ELMO1: variants seen among roughly 807,000 people sequenced by gnomAD.
The protein encoded by ELMO1 is engulfment and cell motility 1, also known as engulfment and cell motility protein 1.
In ELMO1, 26 loss-of-function variants were observed where a neutral mutation model predicts 98.9. That is an observed-to-expected ratio of 0.26 (90% CI 0.19 to 0.36). The LOEUF (loss-of-function observed/expected upper bound fraction) is 0.36, where lower values mean the gene tolerates loss of function less well. Ranked by LOEUF, ELMO1 falls within the 10% of genes least tolerant of loss-of-function variation. The pLI, the probability that ELMO1 is intolerant of heterozygous loss-of-function variation, is 1.00. For synonymous variants in ELMO1, 346 were observed against 346.0 expected, an observed-to-expected ratio of 1.00 and a Z score of 0.00; for missense variants, 627 against 935.2, an observed-to-expected ratio of 0.67 and a Z score of 4.30.
chr7:36,918,303 T>C (rs6942726), intron 16 of ELMO1, among the ~76,000 whole-genome samples: 39,385 of 152,096 alleles, frequency 0.26, 5,264 homozygotes, highest in South Asian at 0.31. Context: ...TCTGGCAATG[T>C]AGGAGGTGCT....
rs776394175 is a variant in ELMO1 at position 36,887,611 on chromosome 7, G to A, written c.1663C>T (p.Arg555Cys). ...LELIKQQRLN[R>C]LVEGTCFRKL... ...CTAAAGCAGGTCCCTTCCACAAGGC[G>A]GTTCAGGCGTTGCTGTTTGATCAGC... The change falls in exon 18 of 22, where the codon CGC (arginine) becomes TGC (cysteine). Residue 555 changes from arginine to cysteine, a missense_variant. By Grantham distance (180) the Arg-to-Cys change is radical. This residue lies in a region of ELMO1 where 492 missense variants were observed against 715.6 expected (regional missense o/e 0.69). Transcript: ENST00000310758. The A allele has an allele frequency of 6.2e-7, 1 of 1,614,044 alleles. No homozygotes were observed. The highest frequency in any genetic ancestry group is 8.5e-7 in the Non-Finnish European group (1 of 1,179,944).
intron 5 of ELMO1, chr7:37,270,983 G>C (rs1483992245): frequency 6.7e-6 from 1 of 149,742 alleles, no homozygotes; most frequent in East Asian, 1.9e-4. Flanking sequence ...CTCTCACCCA[G>C]GCTGGAGTGC....
At chr7:37,280,102 G>C (rs1393441567) in intron 4 of ELMO1, among the ~76,000 whole-genome samples, 2 of 151,998 alleles carry the variant, frequency 1.3e-5, no homozygotes, top group African/African-American at 4.8e-5. Flanking sequence ...AAAGTGGGGA[G>C]AGAACACCCT....
At chr7:37,390,147 A>C (rs917509060) in intron 1 of ELMO1, among the ~76,000 whole-genome samples, 2 of 152,238 alleles carry the variant, frequency 1.3e-5, no homozygotes, top group Non-Finnish European at 2.9e-5. Context: ...ACTTTTTAAA[A>C]ACACAAACGG....
At chr7:37,442,410 G>T (rs1243504279) in intron 1 of ELMO1, among the ~76,000 whole-genome samples, 1 of 152,174 alleles carries the variant, frequency 6.6e-6, no homozygotes, top group Non-Finnish European at 1.5e-5. Context: ...TGAGGAGCTG[G>T]AAAACACTGT....
At chr7:37,414,271 T>C (rs1804118387) in intron 1 of ELMO1, among the ~76,000 whole-genome samples, 1 of 150,618 alleles carries the variant, frequency 6.6e-6, no homozygotes, top group South Asian at 2.1e-4. Context: ...TGAAATATGC[T>C]AAACAGTACC....
chr7:37,028,971 T>C (rs1185665489), intron 15 of ELMO1, among the ~76,000 whole-genome samples: 1 of 149,414 alleles, frequency 6.7e-6, no homozygotes, highest in African/African-American at 2.5e-5. Flanking sequence ...TATCAAATTA[T>C]GTAGTTCTCC....
intron 1 of ELMO1, among the ~76,000 whole-genome samples, chr7:37,444,584 C>T (rs1583777581): frequency 2.0e-5 from 3 of 152,214 alleles, no homozygotes; most frequent in African/African-American, 2.4e-5. Context: ...GCAATCTCAG[C>T]TCACTGTAAG....
intron 1 of ELMO1, among the ~76,000 whole-genome samples, chr7:37,437,022 C>A (rs534676034): frequency 6.6e-6 from 1 of 152,208 alleles, no homozygotes; most frequent in South Asian, 2.1e-4. Flanking sequence ...TTCAACAGTC[C>A]CCTACTTGGT....
intron 1 of ELMO1, among the ~76,000 whole-genome samples, chr7:37,346,531 T>C (rs953963073): frequency 3.9e-5 from 6 of 152,232 alleles, no homozygotes; most frequent in Admixed American, 3.9e-4. Context: ...TTCCTCTCCA[T>C]AGTCTGTATG....
At chr7:36,892,256 T>C (rs1805619794) in intron 17 of ELMO1, among the ~76,000 whole-genome samples, 1 of 152,154 alleles carries the variant, frequency 6.6e-6, no homozygotes, top group Non-Finnish European at 1.5e-5. Flanking sequence ...GATTCCCCAC[T>C]GGTGGTCAGG....
At position 37,404,060 on chromosome 7, in the gene ELMO1, T is replaced by C. The variant is rs114772350; in HGVS notation, c.-74+44615A>G. ...TCAATTTTTCAGTAAATCTAATACT[T>C]CTAAAAAATAAAATATATTAATGGG... On this transcript the variant is annotated intron_variant, in intron 1 of 21. Coordinates refer to ENST00000310758, the MANE Select transcript of ELMO1 (RefSeq NM_014800.11). Among the ~76,000 whole-genome samples the C allele has an allele frequency of 8.3e-3, 1,264 of 152,038 alleles. 26 individuals carry two copies. Among genetic ancestry groups the C allele is most frequent in the African/African-American group, 0.029 (1,198 of 41,462 alleles).
At chr7:37,104,094 C>T (rs983648631) in intron 14 of ELMO1, among the ~76,000 whole-genome samples, 4 of 142,256 alleles carry the variant, frequency 2.8e-5, no homozygotes, top group Non-Finnish European at 4.5e-5. Context: ...CCAGTCAAGA[C>T]GTTCCTAATA....
chr7:37,258,471 A>G (rs1447165809), intron 6 of ELMO1, among the ~76,000 whole-genome samples: 1 of 151,644 alleles, frequency 6.6e-6, no homozygotes. Context: ...GAGAGAGATA[A>G]TGGGTCCGCC....
intron 13 of ELMO1, among the ~76,000 whole-genome samples, chr7:37,178,157 T>C (rs1563058395): frequency 1.3e-5 from 2 of 151,768 alleles, no homozygotes; most frequent in Non-Finnish European, 2.9e-5. Context: ...GGGTAATTCA[T>C]AAAGAAAAAG....
intron 6 of ELMO1, among the ~76,000 whole-genome samples, chr7:37,245,399 A>C (rs1019449162): frequency 1.3e-5 from 2 of 152,224 alleles, no homozygotes; most frequent in African/African-American, 2.4e-5. Flanking sequence ...TTTGCTCTTC[A>C]GAAATTTTCA....
chr7:37,312,384 A>G (rs1310694998), intron 4 of ELMO1, among the ~76,000 whole-genome samples: 1 of 152,214 alleles, frequency 6.6e-6, no homozygotes, highest in Non-Finnish European at 1.5e-5. Flanking sequence ...CCACGTGCCC[A>G]GCCCACATTC....
intron 1 of ELMO1, among the ~76,000 whole-genome samples, chr7:37,361,182 T>G (rs1340506464): frequency 6.6e-6 from 1 of 152,168 alleles, no homozygotes; most frequent in Non-Finnish European, 1.5e-5. Context: ...AAAACAAAGA[T>G]AGGTGTATGA....
chr7:37,017,300 T>C (rs1793996793), intron 15 of ELMO1, among the ~76,000 whole-genome samples: 1 of 151,700 alleles, frequency 6.6e-6, no homozygotes, highest in African/African-American at 2.4e-5. Context: ...GTATCAAGGT[T>C]TCCCCAGGTA....
Sources: gnomAD v4.1 joint callset for allele counts (sites outside exome capture counted in the v4.1 genomes callset) on GRCh38, gnomAD v4.1.1 for gene constraint, gnomAD v4.1.1 regional missense constraint, MANE v1.5 for transcripts, NCBI Gene and HGNC (gene_info 2026-07-23, HGNC 2026-07-21) for gene names.